The following ADRA1B variants were observed in gnomAD, a reference collection of about 807,000 sequenced individuals.
The protein encoded by ADRA1B is alpha-1B adrenergic receptor.
In ADRA1B, 17 loss-of-function variants were observed where a neutral mutation model predicts 17.9. The ratio of observed to expected loss-of-function variants is 0.95; its 90% CI spans 0.65 to 1.42. The LOEUF (loss-of-function observed/expected upper bound fraction) is 1.42, where lower values mean the gene tolerates loss of function less well. Among genes scored for constraint, ADRA1B ranks in the 40% most tolerant of loss-of-function variants. The probability of loss-of-function intolerance (pLI) is 0.00; values close to 1 mark genes in which losing one functional copy is unlikely to be tolerated. For missense variants in ADRA1B, 681 were observed against 722.1 expected, an observed-to-expected ratio of 0.94 and a Z score of 0.65; for synonymous variants, 366 against 327.6, an observed-to-expected ratio of 1.12 and a Z score of -1.27.
chr5:159,905,861 AT>A (rs34796078), intron 1 of ADRA1B, among the ~76,000 whole-genome samples: 5,711 of 146,686 alleles, frequency 0.039, 123 homozygotes, highest in Non-Finnish European at 0.051. Flanking sequence ...AGTCAATGCC[AT>A]TTTTTTTTTT....
At chr5:159,988,360 A>C in the ADRA1B span, among the ~76,000 whole-genome samples, 1 of 152,180 alleles carries the variant, frequency 6.6e-6, no homozygotes, top group South Asian at 2.1e-4. Context: ...TAGACTTCTG[A>C]CCTCCAGAAC....
At chr5:159,950,353 C>T (rs1755399763) in intron 1 of ADRA1B, 1 of 572,274 alleles carries the variant, frequency 1.7e-6, no homozygotes, top group Admixed American at 2.8e-5. Context: ...AGGCCCCTCC[C>T]TCTTCAGGGG....
At chr5:159,921,382 TG>T (rs1754476656) in intron 1 of ADRA1B, among the ~76,000 whole-genome samples, 1 of 152,212 alleles carries the variant, frequency 6.6e-6, no homozygotes, top group South Asian at 2.1e-4. Context: ...TCTTACTCCA[TG>T]AGCCATTTGC....
intron 1 of ADRA1B, among the ~76,000 whole-genome samples, chr5:159,945,117 C>T (rs938747984): frequency 3.9e-5 from 6 of 152,272 alleles, no homozygotes; most frequent in South Asian, 2.1e-4. Flanking sequence ...CGGTGGCTCA[C>T]GCCTATAATC....
downstream of ADRA1B, among the ~76,000 whole-genome samples, chr5:159,974,567 C>T (rs994402502): frequency 1.1e-4 from 17 of 149,744 alleles, no homozygotes; most frequent in African/African-American, 3.7e-4. Context: ...ACCCAGGGGG[C>T]GGAGGTTGCA....
In ADRA1B at chr5:159,917,606, C is replaced by T; in HGVS notation, c.701C>T (p.Thr234Ile). The change falls in exon 1 of 2, where the codon ACC (threonine) becomes ATC (isoleucine). Residue 234 changes from threonine (T) to isoleucine (I), a missense_variant. Transcript: ENST00000306675. ...CRVYIVAKRT[T>I]KNLEAGVMKE... ...GTCTATATAGTGGCCAAGAGAACCA[C>T]CAAGAACCTAGAGGCAGGAGTCATG... 6.2e-7 allele frequency: 1 copy of T among 1,614,104 alleles called. No individual in the cohort carries two copies. Among genetic ancestry groups the T allele is most frequent in the South Asian group, 1.1e-5 (1 of 91,066 alleles).
chr5:159,865,311 T>G (rs951643163), intron 1 of ADRA1B: 1 of 152,188 alleles, frequency 6.6e-6, no homozygotes, highest in African/African-American at 2.4e-5. Flanking sequence ...TCACTGTTCC[T>G]TATGTAATCT....
chr5:159,901,118 A>G (rs1581024734), intron 1 of ADRA1B, among the ~76,000 whole-genome samples: 1 of 151,776 alleles, frequency 6.6e-6, no homozygotes, highest in South Asian at 2.1e-4. Flanking sequence ...TATATGTACT[A>G]TTTTTAAGTA....
intron 1 of ADRA1B, among the ~76,000 whole-genome samples, chr5:159,907,749 T>C (rs1233164026): frequency 6.6e-6 from 1 of 152,238 alleles, no homozygotes; most frequent in Non-Finnish European, 1.5e-5. Flanking sequence ...ATCCCCATTT[T>C]ACAGATAAAC....
chr5:159,883,264 T>C (rs1180817559), intron 1 of ADRA1B, among the ~76,000 whole-genome samples: 1 of 152,212 alleles, frequency 6.6e-6, no homozygotes, highest in Non-Finnish European at 1.5e-5. Flanking sequence ...GTGTTCTCAA[T>C]GTCTTGCAGT....
At chr5:159,896,219 A>G (rs1754038732) in intron 1 of ADRA1B, among the ~76,000 whole-genome samples, 1 of 152,252 alleles carries the variant, frequency 6.6e-6, no homozygotes, top group South Asian at 2.1e-4. Flanking sequence ...CTAGAATTCA[A>G]AAGAATATGA....
chr5:159,939,327 G>GCA (rs1561600749), intron 1 of ADRA1B, among the ~76,000 whole-genome samples: 5 of 120,720 alleles, frequency 4.1e-5, no homozygotes, highest in South Asian at 2.5e-4. Flanking sequence ...GTGTGTGCGC[G>GCA]CGCGCGCGCA....
At chr5:159,949,254 T>C (rs1704381015) in intron 1 of ADRA1B, among the ~76,000 whole-genome samples, 1 of 152,230 alleles carries the variant, frequency 6.6e-6, no homozygotes, top group Non-Finnish European at 1.5e-5. Context: ...TCAATTTGTA[T>C]TGTTCATTAG....
At chr5:159,934,840 G>A (rs114842646) in intron 1 of ADRA1B, among the ~76,000 whole-genome samples, 4,805 of 150,946 alleles carry the variant, frequency 0.032, 107 homozygotes, top group Middle Eastern at 0.045. Context: ...AAACAGGGAC[G>A]CTGAAATCTG....
intron 1 of ADRA1B, chr5:159,948,553 A>C (rs1755339259): frequency 1.1e-6 from 1 of 874,594 alleles, no homozygotes; most frequent in Non-Finnish European, 1.4e-6. Flanking sequence ...AGAAAAACAA[A>C]AAAAGATAGT....
In ADRA1B at chr5:159,965,260, G is replaced by A. The variant is rs200442671; in HGVS notation, c.950-6619G>A. On this transcript the variant is annotated intron_variant, in intron 1 of 1. Coordinates refer to ENST00000306675, the MANE Select transcript of ADRA1B (RefSeq NM_000679.4). ...AGGAAGGAGGCTTCCCAGGCCTGGC[G>A]AGCCATGATTCCAAGAGGCAGGGCA... Among the ~76,000 whole-genome samples the A allele has an allele frequency of 2.4e-4, 37 of 152,204 alleles. No homozygotes were observed. The East Asian group carries it at 5.6e-3, about 23-fold the overall frequency.
upstream of ADRA1B, among the ~76,000 whole-genome samples, chr5:159,913,014 A>C (rs1006919779): frequency 6.6e-6 from 1 of 152,182 alleles, no homozygotes; most frequent in Non-Finnish European, 1.5e-5. Flanking sequence ...CACCATGAAA[A>C]ATTGCATGAT....
chr5:159,920,448 A>G (rs1179408418), intron 1 of ADRA1B, among the ~76,000 whole-genome samples: 1 of 152,102 alleles, frequency 6.6e-6, no homozygotes, highest in East Asian at 1.9e-4. Flanking sequence ...CTGAGCTTCC[A>G]CACAATAAAA....
At chr5:159,935,822 C>T (rs1253711502) in intron 1 of ADRA1B, among the ~76,000 whole-genome samples, 3 of 152,232 alleles carry the variant, frequency 2.0e-5, no homozygotes, top group Non-Finnish European at 2.9e-5. Flanking sequence ...GCTGGGATTA[C>T]AGGCGTGAGC....
Sources: allele counts gnomAD v4.1 joint callset (sites outside exome capture counted in the v4.1 genomes callset), GRCh38; gene constraint gnomAD v4.1.1; transcripts MANE v1.5; gene names NCBI Gene and HGNC (gene_info 2026-07-23, HGNC 2026-07-21).